Variants in OR6N1 observed in about 807,000 individuals in gnomAD.
OR6N1 encodes olfactory receptor family 6 subfamily N member 1, also known as olfactory receptor 6N1.
For synonymous variants in OR6N1, 170 were observed against 150.7 expected, an observed-to-expected ratio of 1.13 and a Z score of -0.94; for missense variants, 394 against 371.7, an observed-to-expected ratio of 1.06 and a Z score of -0.49.
At chr1:158,832,130 G>T in the OR6N1 span, among the ~76,000 whole-genome samples, 1 of 151,946 alleles carries the variant, frequency 6.6e-6, no homozygotes, top group African/African-American at 2.4e-5. Context: ...TTTTCAAATG[G>T]TCTATGCTTT....
chr1:158,819,850 C>T, the OR6N1 span, among the ~76,000 whole-genome samples: 32 of 152,248 alleles, frequency 2.1e-4, no homozygotes, highest in African/African-American at 7.2e-4. Flanking sequence ...ATAGAACATA[C>T]AGTCAAAAAA....
the OR6N1 span, among the ~76,000 whole-genome samples, chr1:158,825,728 A>G: frequency 6.6e-6 from 1 of 152,234 alleles, no homozygotes; most frequent in African/African-American, 2.4e-5. Flanking sequence ...AATTCCTCCA[A>G]GAACTTAAAA....
At chr1:158,825,215 G>A in the OR6N1 span, among the ~76,000 whole-genome samples, 1 of 152,202 alleles carries the variant, frequency 6.6e-6, no homozygotes, top group South Asian at 2.1e-4. Flanking sequence ...TGAGGTGGGT[G>A]GATCACGAGG....
the OR6N1 span, among the ~76,000 whole-genome samples, chr1:158,818,866 C>A: frequency 6.6e-6 from 1 of 152,150 alleles, no homozygotes; most frequent in Non-Finnish European, 1.5e-5. Flanking sequence ...ATTTGGAGGA[C>A]ATGGGTACCT....
chr1:158,785,261 T>G, the OR6N1 span, among the ~76,000 whole-genome samples: 1 of 152,228 alleles, frequency 6.6e-6, no homozygotes, highest in Non-Finnish European at 1.5e-5. Flanking sequence ...GTTCATCTTG[T>G]GAAATTCAGT....
At chr1:158,828,962 C>T in the OR6N1 span, among the ~76,000 whole-genome samples, 2 of 152,218 alleles carry the variant, frequency 1.3e-5, no homozygotes, top group African/African-American at 4.8e-5. Context: ...TCTCTGAAGC[C>T]ATGGTGCAAG....
chr1:158,802,579 C>G, the OR6N1 span, among the ~76,000 whole-genome samples: 1 of 152,096 alleles, frequency 6.6e-6, no homozygotes, highest in East Asian at 1.9e-4. Flanking sequence ...AAGGAGATTT[C>G]TCATCCATCC....
upstream of OR6N1, chr1:158,774,625 G>A (rs1657535252): frequency 6.6e-6 from 1 of 151,970 alleles, no homozygotes; most frequent in Non-Finnish European, 1.5e-5. Flanking sequence ...CAAATGACAT[G>A]AAAATTTATG....
chr1:158,769,107 A>G (rs1657349044), intron 1 of OR6N1, among the ~76,000 whole-genome samples: 1 of 152,198 alleles, frequency 6.6e-6, no homozygotes, highest in Non-Finnish European at 1.5e-5. Flanking sequence ...TAGGAGTTAC[A>G]AGCCATGGGC....
the OR6N1 span, among the ~76,000 whole-genome samples, chr1:158,780,094 C>T: frequency 6.6e-6 from 1 of 152,202 alleles, no homozygotes; most frequent in Non-Finnish European, 1.5e-5. Flanking sequence ...ACAAAGCTTA[C>T]AGTATTCTAA....
intron 1 of OR6N1, among the ~76,000 whole-genome samples, chr1:158,769,990 T>C (rs777566803): frequency 7.9e-5 from 12 of 152,196 alleles, no homozygotes; most frequent in Non-Finnish European, 1.5e-4. Flanking sequence ...TCTCAGACCC[T>C]TGTTTTCTAG....
chr1:158,766,115 T>G lies in OR6N1; in HGVS notation c.568A>C (p.Thr190Pro), dbSNP rs75984757. The change falls in exon 2 of 2, where the codon ACT (threonine) becomes CCT (proline). Residue 190 changes from threonine (T) to proline (P), a missense_variant. By Grantham distance (38) the Thr-to-Pro change is conservative. Transcript: ENST00000641846. ...DFPPVLSLACTDTSINVLVDF... is the reference protein window; with the variant it reads ...DFPPVLSLACPDTSINVLVDF... Reference sequence around the variant, plus strand: ...ACTAGGACATTTATAGACGTATCAGTGCAAGCCAAACTCAGCACAGGAGGG... The same window carrying G: ...ACTAGGACATTTATAGACGTATCAGGGCAAGCCAAACTCAGCACAGGAGGG... 19,538 of 1,614,138 alleles carry G rather than the reference T, an allele frequency of 0.012. 154 individuals carry two copies. The highest frequency in any genetic ancestry group is 0.015 in the Non-Finnish European group (17,919 of 1,180,018).
chr1:158,777,321 G>C, the OR6N1 span: 4 of 1,614,180 alleles, frequency 2.5e-6, no homozygotes, highest in Non-Finnish European at 3.4e-6. Context: ...CTCCCAAGGA[G>C]TGGAAGAAGT....
chr1:158,773,558 T>C (rs1286104798), upstream of OR6N1, among the ~76,000 whole-genome samples: 1 of 152,238 alleles, frequency 6.6e-6, no homozygotes, highest in Non-Finnish European at 1.5e-5. Flanking sequence ...CTGACTCCTC[T>C]AACAAAGATT....
chr1:158,798,913 C>T, the OR6N1 span, among the ~76,000 whole-genome samples: 4 of 152,120 alleles, frequency 2.6e-5, no homozygotes, highest in East Asian at 1.9e-4. Flanking sequence ...ACACACAAAC[C>T]GGGCAGGCTG....
the OR6N1 span, among the ~76,000 whole-genome samples, chr1:158,786,623 A>G: frequency 2.0e-5 from 3 of 152,194 alleles, no homozygotes; most frequent in Non-Finnish European, 4.4e-5. Flanking sequence ...GATAAAGTAG[A>G]TAAAGAAAAT....
the OR6N1 span, among the ~76,000 whole-genome samples, chr1:158,830,337 T>C: frequency 6.6e-6 from 1 of 152,184 alleles, no homozygotes; most frequent in East Asian, 1.9e-4. Context: ...CCTGCTTTAG[T>C]GGGGTTTAGA....
chr1:158,803,919 T>C, the OR6N1 span, among the ~76,000 whole-genome samples: 1 of 152,178 alleles, frequency 6.6e-6, no homozygotes, highest in Non-Finnish European at 1.5e-5. Context: ...TGAGGGAAAA[T>C]GACAAGTTCT....
chr1:158,815,145 G>A, the OR6N1 span, among the ~76,000 whole-genome samples: 1 of 152,154 alleles, frequency 6.6e-6, no homozygotes, highest in Non-Finnish European at 1.5e-5. Flanking sequence ...AAGAAAGGAA[G>A]ATGACTCCTG....
Sources: gnomAD v4.1 joint callset for allele counts (sites outside exome capture counted in the v4.1 genomes callset) on GRCh38, gnomAD v4.1.1 for gene constraint, MANE v1.5 for transcripts, NCBI Gene and HGNC (gene_info 2026-07-23, HGNC 2026-07-21) for gene names.